PDE3A: variants seen among roughly 807,000 people sequenced by gnomAD.
The protein encoded by PDE3A is cGMP-inhibited 3',5'-cyclic phosphodiesterase 3A.
A neutral mutation model predicts 98.3 loss-of-function variants in PDE3A; 43 were observed. The ratio of observed to expected loss-of-function variants is 0.44; its 90% CI spans 0.34 to 0.56. The LOEUF (loss-of-function observed/expected upper bound fraction) is 0.56, where lower values mean the gene tolerates loss of function less well. Among genes scored for constraint, PDE3A ranks in the 20% least tolerant of loss-of-function variants. PDE3A has a pLI of 0.01. For missense variants in PDE3A, 1,427 were observed against 1,440.7 expected (o/e 0.99, Z 0.15); for synonymous variants, 663 against 567.9 (o/e 1.17, Z -2.38).
chr12:20,593,979 G>A (rs1236189557), intron 2 of PDE3A, among the ~76,000 whole-genome samples: 1 of 152,142 alleles, frequency 6.6e-6, no homozygotes, highest in East Asian at 1.9e-4. Flanking sequence ...AGATGGCTGT[G>A]CCTGAGGTGC....
chr12:20,628,276 T>G lies in PDE3A; in HGVS notation c.1541-1632T>G, dbSNP rs768571958. 2.7e-4 allele frequency among the ~76,000 whole-genome samples: 41 copies of G among 152,200 alleles called. 1 individual carries two copies. The highest frequency in any genetic ancestry group is 4.6e-4 in the Non-Finnish European group (31 of 68,044). Reference sequence around the variant, plus strand: ...CTGGGAAATTCTGAGTTAAAACCTTTGTGAACTTAATTTTTTGTTTTGTTT... The same window carrying G: ...CTGGGAAATTCTGAGTTAAAACCTTGGTGAACTTAATTTTTTGTTTTGTTT... On this transcript the variant is annotated intron_variant, in intron 5 of 15. Coordinates refer to ENST00000359062, the MANE Select transcript of PDE3A (RefSeq NM_000921.5).
At chr12:20,581,451 T>A (rs61912118) in intron 2 of PDE3A, among the ~76,000 whole-genome samples, 28,724 of 152,070 alleles carry the variant, frequency 0.19, 3,244 homozygotes, top group South Asian at 0.35. Flanking sequence ...TAGAACCAAA[T>A]GTCTACTACC....
At chr12:20,475,481 C>A (rs576759879) in intron 1 of PDE3A, among the ~76,000 whole-genome samples, 20 of 152,216 alleles carry the variant, frequency 1.3e-4, no homozygotes, top group African/African-American at 4.3e-4. Context: ...GTCATCCCAG[C>A]ACTTTGGGAG....
intron 15 of PDE3A, among the ~76,000 whole-genome samples, chr12:20,673,264 A>T (rs566374328): frequency 2.4e-4 from 37 of 151,690 alleles, no homozygotes; most frequent in Admixed American, 7.9e-4. Flanking sequence ...ACTGTAAACT[A>T]GTTCAACCAT....
intron 15 of PDE3A, among the ~76,000 whole-genome samples, chr12:20,675,545 T>C (rs1259144820): frequency 6.6e-6 from 1 of 152,232 alleles, no homozygotes; most frequent in Admixed American, 6.5e-5. Flanking sequence ...AGTGTCTCTC[T>C]CCCTTTAGAT....
rs577219024 is a variant in PDE3A at position 20,442,241 on chromosome 12, C to T, written c.960+71997C>T. 9.9e-5 allele frequency among the ~76,000 whole-genome samples: 15 copies of T among 152,242 alleles called. No homozygotes were observed. In the East Asian group the frequency reaches 2.5e-3, roughly 25 times the overall value. On this transcript the variant is annotated intron_variant, in intron 1 of 15. Coordinates refer to ENST00000359062, the MANE Select transcript of PDE3A (RefSeq NM_000921.5). The stretch of plus-strand genomic sequence containing the variant: ...TTTTTTACCCCAAATTTCCAGTGTG[C>T]GACCCATATTCATGACCTGTTTTGT...
At chr12:20,461,171 T>A (rs1186610521) in intron 1 of PDE3A, among the ~76,000 whole-genome samples, 1 of 144,628 alleles carries the variant, frequency 6.9e-6, no homozygotes, top group African/African-American at 2.6e-5. Flanking sequence ...TGCTTTCATG[T>A]CCCTCCAACC....
At chr12:20,592,189 A>AT (rs932826136) in intron 2 of PDE3A, among the ~76,000 whole-genome samples, 52 of 151,916 alleles carry the variant, frequency 3.4e-4, no homozygotes, top group Admixed American at 7.2e-4. Flanking sequence ...TTTAAGGGGA[A>AT]TTTTTTTTAA....
At chr12:20,591,130 C>G (rs1459338971) in intron 2 of PDE3A, among the ~76,000 whole-genome samples, 1 of 152,144 alleles carries the variant, frequency 6.6e-6, no homozygotes, top group Non-Finnish European at 1.5e-5. Flanking sequence ...TGCCTTTCCC[C>G]CTAAAGTCCT....
chr12:20,552,541 G>A lies in PDE3A; in HGVS notation c.961-4119G>A. The A allele has an allele frequency of 5.0e-6, 8 of 1,613,168 alleles. No homozygotes were observed. The highest frequency in any genetic ancestry group is 1.3e-5 in the African/African-American group (1 of 75,010). ...GGAGGAGCAGCAGGAGGGGGGCTTC[G>A]CGTCCCCCAGGACGGGCAAGGGCAA... On this transcript the variant is annotated intron_variant, in intron 1 of 15. Transcript: ENST00000359062. The surrounding 1 kb of genome is among the most constrained non-coding windows in gnomAD (Gnocchi z 5.1).
chr12:20,528,244 T>G (rs1946563434), intron 1 of PDE3A, among the ~76,000 whole-genome samples: 1 of 152,210 alleles, frequency 6.6e-6, no homozygotes, highest in Admixed American at 6.5e-5. Flanking sequence ...TTTCTTAGTC[T>G]TTTCAATGCA....
At chr12:20,622,745 C>T (rs1944166806) in intron 5 of PDE3A, among the ~76,000 whole-genome samples, 1 of 151,386 alleles carries the variant, frequency 6.6e-6, no homozygotes, top group African/African-American at 2.4e-5. Flanking sequence ...CACATTAAAC[C>T]CAAGACTCTT....
At chr12:20,449,248 T>C (rs1382606178) in intron 1 of PDE3A, among the ~76,000 whole-genome samples, 4 of 152,214 alleles carry the variant, frequency 2.6e-5, no homozygotes, top group Non-Finnish European at 5.9e-5. Flanking sequence ...GATTCTGCCT[T>C]TTGATGAAGT....
intron 1 of PDE3A, among the ~76,000 whole-genome samples, chr12:20,385,492 A>G (rs1288371420): frequency 6.6e-6 from 1 of 152,022 alleles, no homozygotes; most frequent in African/African-American, 2.4e-5. Flanking sequence ...ATGCACACGT[A>G]TGTTTATTGC....
intron 1 of PDE3A, among the ~76,000 whole-genome samples, chr12:20,538,348 G>A (rs1353942068): frequency 6.6e-6 from 1 of 152,038 alleles, no homozygotes; most frequent in East Asian, 1.9e-4. Flanking sequence ...ATTGCTTCTG[G>A]ACAGGGAAAA....
intron 1 of PDE3A, among the ~76,000 whole-genome samples, chr12:20,421,249 G>A (rs1410659485): frequency 6.6e-6 from 1 of 152,066 alleles, no homozygotes; most frequent in African/African-American, 2.4e-5. Flanking sequence ...TTTTTCAAAA[G>A]TGGATTTTTC....
chr12:20,570,610 T>G (rs1018443975), intron 2 of PDE3A, among the ~76,000 whole-genome samples: 1 of 152,088 alleles, frequency 6.6e-6, no homozygotes, highest in Non-Finnish European at 1.5e-5. Context: ...ATGAAATAGG[T>G]TAAATGATTG....
chr12:20,445,977 G>T (rs1300902534), intron 1 of PDE3A, among the ~76,000 whole-genome samples: 2 of 152,156 alleles, frequency 1.3e-5, no homozygotes, highest in Non-Finnish European at 2.9e-5. Flanking sequence ...GCCTTTGATA[G>T]CATCCAGACA....
At chr12:20,636,626 T>G (rs895281502) in intron 8 of PDE3A, among the ~76,000 whole-genome samples, 3 of 152,108 alleles carry the variant, frequency 2.0e-5, no homozygotes, top group Non-Finnish European at 2.9e-5. Flanking sequence ...TTAATAATAG[T>G]AGGAATGATC....
Sources: allele counts gnomAD v4.1 joint callset (sites outside exome capture counted in the v4.1 genomes callset), GRCh38; gene constraint gnomAD v4.1.1; non-coding constraint Gnocchi (gnomAD v3.1); transcripts MANE v1.5; gene names NCBI Gene and HGNC (gene_info 2026-07-23, HGNC 2026-07-21).